Variants in NAA16 observed in about 807,000 individuals in gnomAD.
NAA16 encodes NARG1-like protein.
A neutral mutation model predicts 110.3 loss-of-function variants in NAA16; 97 were observed. That is an observed-to-expected ratio of 0.88 (90% confidence interval 0.75 to 1.04). The LOEUF (loss-of-function observed/expected upper bound fraction) is 1.04, where lower values mean the gene tolerates loss of function less well. NAA16 is among the 50% of genes least tolerant of loss of function. The pLI is 0.00. For synonymous variants in NAA16, 372 were observed against 330.6 expected, an observed-to-expected ratio of 1.13 and a Z score of -1.36; for missense variants, 1,017 against 1,005.1, an observed-to-expected ratio of 1.01 and a Z score of -0.16.
chr13:41,324,751 G>A (rs1206542637), intron 5 of NAA16, among the ~76,000 whole-genome samples: 3 of 151,556 alleles, frequency 2.0e-5, no homozygotes, highest in Non-Finnish European at 4.4e-5. Context: ...AAGTGCTGTG[G>A]CTATGCACTA....
At chr13:41,355,703 C>G (rs1342152867) in intron 10 of NAA16, among the ~76,000 whole-genome samples, 1 of 152,224 alleles carries the variant, frequency 6.6e-6, no homozygotes, top group Non-Finnish European at 1.5e-5. Flanking sequence ...GCTGGGATTA[C>G]AGGCGTGAGC....
intron 4 of NAA16, 22 bp downstream of exon 4, chr13:41,320,846 G>A: frequency 6.4e-7 from 1 of 1,566,452 alleles, no homozygotes. Context: ...ATTCTTAAAT[G>A]TACATGATTT....
rs2042412252 is a variant in NAA16 at position 41,337,483 on chromosome 13, A to C, written c.1014+727A>C. Among the ~76,000 whole-genome samples, 3 of 151,532 alleles carry C rather than the reference A, an allele frequency of 2.0e-5. No homozygotes were observed. In the South Asian group the frequency reaches 6.3e-4, roughly 32 times the overall value. On this transcript the variant is annotated intron_variant, in intron 9 of 19. Coordinates refer to ENST00000379406, the MANE Select transcript of NAA16 (RefSeq NM_024561.5). ...GTGTGAACCTGGGAGGCAGAGCTTG[A>C]AGTGAGCCGAGATCGCGCCACTGCA...
At chr13:41,356,276 C>G (rs1403797012) in intron 10 of NAA16, among the ~76,000 whole-genome samples, 1 of 152,218 alleles carries the variant, frequency 6.6e-6, no homozygotes, top group Non-Finnish European at 1.5e-5. Context: ...ATCTGCCTGT[C>G]TCAGCCTCCG....
In NAA16 at chr13:41,358,483, G is replaced by A; in HGVS notation, c.1257+10G>A. 8 of 1,612,516 alleles carry A rather than the reference G, an allele frequency of 5.0e-6. No individual in the cohort carries two copies. The highest frequency in any genetic ancestry group is 6.8e-6 in the Non-Finnish European group (8 of 1,178,994). ...AGCAAAAATTTACAAGGTAAAATCT[G>A]AATCCTGTTTTTTGAGTAGTTGAAG... On this transcript the variant is annotated intron_variant, in intron 11 of 19. Transcript: ENST00000379406.
At chr13:41,316,064 G>C (rs2041801090) in intron 1 of NAA16, among the ~76,000 whole-genome samples, 1 of 152,124 alleles carries the variant, frequency 6.6e-6, no homozygotes. Flanking sequence ...AAAAAATTCT[G>C]TGTACTAGGA....
intron 13 of NAA16, among the ~76,000 whole-genome samples, chr13:41,363,274 T>C (rs2043148401): frequency 6.6e-6 from 1 of 152,208 alleles, no homozygotes; most frequent in African/African-American, 2.4e-5. Context: ...CTGCTTGTTA[T>C]TAAGGAAAGA....
chr13:41,368,074 G>A (rs551204561), intron 14 of NAA16, among the ~76,000 whole-genome samples: 1 of 152,222 alleles, frequency 6.6e-6, no homozygotes, highest in African/African-American at 2.4e-5. Flanking sequence ...ACATAGAAAT[G>A]TCTGTGGACT....
intron 6 of NAA16, among the ~76,000 whole-genome samples, chr13:41,326,430 A>G (rs1417152661): frequency 6.6e-6 from 1 of 152,210 alleles, no homozygotes; most frequent in African/African-American, 2.4e-5. Context: ...AGTTCCATAC[A>G]ATTGTAGAAC....
At position 41,323,181 on chromosome 13, in the gene NAA16, A is replaced by C. The variant is rs1566246614; in HGVS notation, c.528A>C (p.Gln176His). ...TAAAACTGTTGGAAGAATTTAGACA[A>C]ACTCAGCAAGTAAGAATTTTAATGT... ...MALKLLEEFR[Q>H]TQQVPPNKID... The change falls in exon 5 of 20, where the codon CAA (glutamine) becomes CAC (histidine). Residue 176 changes from glutamine (Q) to histidine (H), a missense_variant. Coordinates refer to ENST00000379406, the MANE Select transcript of NAA16 (RefSeq NM_024561.5). 2 of 1,613,612 alleles carry C rather than the reference A, an allele frequency of 1.2e-6. No homozygotes were observed. The highest frequency in any genetic ancestry group is 2.7e-5 in the African/African-American group (2 of 75,034).
intron 8 of NAA16, among the ~76,000 whole-genome samples, chr13:41,335,766 G>C (rs1316470364): frequency 6.6e-6 from 1 of 151,836 alleles, no homozygotes; most frequent in Non-Finnish European, 1.5e-5. Context: ...TGGGTTGTTA[G>C]ATTTTGTTGT....
At chr13:41,317,724 A>C (rs1330503307) in intron 2 of NAA16, among the ~76,000 whole-genome samples, 1 of 152,214 alleles carries the variant, frequency 6.6e-6, no homozygotes, top group East Asian at 1.9e-4. Flanking sequence ...GCTTTATCCA[A>C]ATGGTGCCTG....
intron 2 of NAA16, among the ~76,000 whole-genome samples, chr13:41,317,650 GA>G (rs1456566590): frequency 6.6e-6 from 1 of 152,164 alleles, no homozygotes; most frequent in Admixed American, 6.5e-5. Flanking sequence ...GAAGGAAATG[GA>G]AAGAAATCTT....
chr13:41,353,876 T>C (rs984630254), intron 9 of NAA16, among the ~76,000 whole-genome samples: 2 of 152,108 alleles, frequency 1.3e-5, no homozygotes, highest in Non-Finnish European at 2.9e-5. Flanking sequence ...ACAGTATTAT[T>C]AATGATCTGA....
Position 41,342,609 on chromosome 13 carries a change from A to T in NAA16, c.1014+5853A>T, listed in dbSNP as rs188385806. Among the ~76,000 whole-genome samples the T allele has an allele frequency of 4.6e-5, 7 of 152,330 alleles. 1 individual carries two copies. Among genetic ancestry groups the T allele is most frequent in the African/African-American group, 1.4e-4 (6 of 41,574 alleles). ...TAAAAAATCAAAACTAGAAACAAAC[A>T]ACTAACATAGTATTCACAACATCTG... On this transcript the variant is annotated intron_variant, in intron 9 of 19. Coordinates refer to ENST00000379406, the MANE Select transcript of NAA16 (RefSeq NM_024561.5).
At chr13:41,319,975 C>T (rs536016160) in intron 3 of NAA16, among the ~76,000 whole-genome samples, 2 of 151,662 alleles carry the variant, frequency 1.3e-5, no homozygotes, top group South Asian at 2.1e-4. Context: ...GTATTGAACA[C>T]GAATAATCTT....
At chr13:41,355,986 T>C (rs1005278235) in intron 10 of NAA16, among the ~76,000 whole-genome samples, 1 of 151,842 alleles carries the variant, frequency 6.6e-6, no homozygotes, top group Non-Finnish European at 1.5e-5. Context: ...GGGTTCCTTA[T>C]GTGTCTCTTA....
At chr13:41,327,104 A>G (rs1040726395) in intron 6 of NAA16, among the ~76,000 whole-genome samples, 9 of 152,028 alleles carry the variant, frequency 5.9e-5, no homozygotes, top group African/African-American at 2.2e-4. Flanking sequence ...TTAGTAGTGT[A>G]TGTTTTTTTT....
chr13:41,314,478 A>G (rs1383699340), intron 1 of NAA16, among the ~76,000 whole-genome samples: 2 of 139,574 alleles, frequency 1.4e-5, no homozygotes, highest in African/African-American at 5.0e-5. Flanking sequence ...TCCTATCCTT[A>G]TCGCAGAATC....
Sources: allele counts gnomAD v4.1 joint callset (sites outside exome capture counted in the v4.1 genomes callset), GRCh38; gene constraint gnomAD v4.1.1; transcripts MANE v1.5; gene names NCBI Gene and HGNC (gene_info 2026-07-23, HGNC 2026-07-21).